The following DAB1 variants were observed in gnomAD, a reference collection of about 807,000 sequenced individuals.
DAB1 encodes the protein disabled homolog 1.
DAB1 carries 15 observed loss-of-function variants against 64.6 expected under a neutral mutation model. That is an observed-to-expected ratio of 0.23 (90% CI 0.16 to 0.36). DAB1 has a LOEUF of 0.36. Among genes scored for constraint, DAB1 ranks in the 10% least tolerant of loss-of-function variants. The pLI, the probability that DAB1 is intolerant of heterozygous loss-of-function variation, is 1.00. For missense variants in DAB1, 596 were observed against 706.7 expected (o/e 0.84, Z 1.78); for synonymous variants, 235 against 251.9 (o/e 0.93, Z 0.64).
chr1:57,195,018 G>T lies in DAB1; in HGVS notation c.68-49589C>A, dbSNP rs556809206. The stretch of plus-strand genomic sequence containing the variant: ...TTTGGGTCTTGGGTCTTAGGGAAAT[G>T]GACAGAAAATGATTAATGAATGGAA... On this transcript the variant is annotated intron_variant, in intron 2 of 14. Coordinates refer to ENST00000371236, the MANE Select transcript of DAB1 (RefSeq NM_001365792.1). Among the ~76,000 whole-genome samples the T allele has an allele frequency of 2.6e-5, 4 of 152,296 alleles. No individual in the cohort carries two copies. In the South Asian group the frequency reaches 8.3e-4, roughly 32 times the overall value.
At position 57,955,232 on chromosome 1, in the gene DAB1, GCAGGTCTC is replaced by G. The variant is rs1645364770; in HGVS notation, n.388-71078_388-71071del. 2.0e-5 allele frequency among the ~76,000 whole-genome samples: 3 copies of G among 152,226 alleles called. No individual in the cohort carries two copies. The South Asian group carries it at 6.2e-4, about 32-fold the overall frequency. ...TGTGCCATGAACCTTGAGGCTCATG[GCAGGTCTC>G]CTCCCTCCTGATTAAACCTCTCTTT... On this transcript the variant is annotated intron_variant and non_coding_transcript_variant, in intron 5 of 20. Coordinates refer to the DAB1 transcript ENST00000485760.
chr1:57,295,556 G>A (rs935814432), intron 1 of DAB1, among the ~76,000 whole-genome samples: 2 of 152,066 alleles, frequency 1.3e-5, no homozygotes, highest in African/African-American at 4.8e-5. Context: ...AGTAAAATGG[G>A]AACACCACCA....
intron 5 of DAB1, among the ~76,000 whole-genome samples, chr1:58,078,432 T>G (rs1475094364): frequency 6.6e-6 from 1 of 152,148 alleles, no homozygotes; most frequent in Non-Finnish European, 1.5e-5. Flanking sequence ...ATATGTAAAT[T>G]GATTAAAACA....
At chr1:58,409,937 T>G (rs1185390556) in intron 3 of DAB1, among the ~76,000 whole-genome samples, 1 of 152,190 alleles carries the variant, frequency 6.6e-6, no homozygotes, top group Non-Finnish European at 1.5e-5. Context: ...AGCACTGGTT[T>G]GATGACAAAG....
At chr1:58,074,566 A>ATATATATATG (rs1553157901) in intron 5 of DAB1, 17 of 10,994 alleles carry the variant, frequency 1.5e-3, no homozygotes, top group African/African-American at 4.7e-3. Context: ...ATATGTGTGT[A>ATATATATATG]TATATATATA....
In DAB1 at chr1:57,567,613, T is replaced by A. The variant is rs1273207065; in HGVS notation, n.625+81979A>T. Among the ~76,000 whole-genome samples the A allele has an allele frequency of 1.4e-4, 21 of 152,186 alleles. No homozygotes were observed. In the East Asian group the frequency reaches 4.1e-3, roughly 29 times the overall value. On this transcript the variant is annotated intron_variant and non_coding_transcript_variant, in intron 7 of 20. Coordinates refer to the DAB1 transcript ENST00000485760. ...ACAAAATCAATGTACAAAAATCACA[T>A]GCATTCTTATACACCAATAACAGAC...
intron 9 of DAB1, among the ~76,000 whole-genome samples, chr1:57,027,258 G>C (rs895587477): frequency 1.3e-5 from 2 of 152,160 alleles, no homozygotes; most frequent in Non-Finnish European, 2.9e-5. Context: ...GGAGCCCCAG[G>C]TCAGGGAGGG....
intron 5 of DAB1, among the ~76,000 whole-genome samples, chr1:58,121,729 A>AAGACACACAGGTGTGTCCCAAGACAC (rs1652748380): frequency 6.6e-6 from 1 of 152,184 alleles, no homozygotes; most frequent in African/African-American, 2.4e-5. Flanking sequence ...GGTGTGTCCC[A>AAGACACACAGGTGTGTCCCAAGACAC]ATCAGTTCCA....
chr1:57,235,803 C>T (rs924597788), intron 2 of DAB1, among the ~76,000 whole-genome samples: 1 of 152,114 alleles, frequency 6.6e-6, no homozygotes, highest in Admixed American at 6.5e-5. Flanking sequence ...ATTTTAATCT[C>T]CTTAACATTA....
chr1:57,731,336 AT>A (rs573500958), intron 6 of DAB1, among the ~76,000 whole-genome samples: 19 of 152,258 alleles, frequency 1.2e-4, no homozygotes, highest in African/African-American at 4.1e-4. Context: ...GTGGGGAATT[AT>A]TGTTTAATGA....
At chr1:57,185,226 G>A (rs1663414842) in intron 2 of DAB1, among the ~76,000 whole-genome samples, 1 of 152,084 alleles carries the variant, frequency 6.6e-6, no homozygotes, top group Non-Finnish European at 1.5e-5. Flanking sequence ...CCCCTACCAT[G>A]TTAGGAACTT....
intron 4 of DAB1, among the ~76,000 whole-genome samples, chr1:57,100,147 C>T (rs1237220051): frequency 1.3e-5 from 2 of 152,190 alleles, no homozygotes. Flanking sequence ...GTTGCTTAAC[C>T]TCTCTGAATC....
chr1:58,136,726 C>G (rs1285775423), intron 5 of DAB1, among the ~76,000 whole-genome samples: 2 of 152,182 alleles, frequency 1.3e-5, no homozygotes, highest in Non-Finnish European at 2.9e-5. Context: ...AGGAGATGTT[C>G]ATTTATCTAG....
intron 6 of DAB1, among the ~76,000 whole-genome samples, chr1:57,672,616 G>C (rs1570724904): frequency 6.6e-6 from 1 of 152,274 alleles, no homozygotes; most frequent in East Asian, 1.9e-4. Context: ...GGTAGTCACA[G>C]TAAGTTAAAA....
chr1:57,618,168 A>T (rs1024980235), intron 7 of DAB1, among the ~76,000 whole-genome samples: 2 of 152,150 alleles, frequency 1.3e-5, no homozygotes, highest in Admixed American at 1.3e-4. Context: ...TAATCCCAGC[A>T]CTTTGGGAGG....
chr1:58,484,357 T>G (rs1483972371), intron 3 of DAB1, among the ~76,000 whole-genome samples: 1 of 152,174 alleles, frequency 6.6e-6, no homozygotes, highest in Non-Finnish European at 1.5e-5. Flanking sequence ...GATCAAAGAG[T>G]AAGCACAGGT....
chr1:58,078,138 C>T (rs140286110), intron 5 of DAB1: 36 of 152,318 alleles, frequency 2.4e-4, no homozygotes, highest in African/African-American at 7.7e-4. Context: ...CCCATTGGGG[C>T]TCAAGCATTC....
At chr1:58,535,870 GA>G (rs1329136055) in intron 1 of DAB1, among the ~76,000 whole-genome samples, 1 of 151,780 alleles carries the variant, frequency 6.6e-6, no homozygotes, top group Non-Finnish European at 1.5e-5. Flanking sequence ...TGATGTTTGG[GA>G]AAAAAATCTT....
chr1:57,728,588 C>T lies in DAB1; in HGVS notation n.552-78923G>A, dbSNP rs907893536. 6.6e-5 allele frequency among the ~76,000 whole-genome samples: 10 copies of T among 150,776 alleles called. 1 individual carries two copies. Among genetic ancestry groups the T allele is most frequent in the Non-Finnish European group, 1.0e-4 (7 of 67,742 alleles). ...CAGCCTGGGCCACAGAGCAAGACTC[C>T]GTCTCAAAAAAAAACAACAACAAAA... is the stretch of plus-strand genomic sequence containing the variant. On this transcript the variant is annotated intron_variant and non_coding_transcript_variant, in intron 6 of 20. Transcript: ENST00000485760.
Sources: allele counts gnomAD v4.1 joint callset (sites outside exome capture counted in the v4.1 genomes callset), GRCh38; gene constraint gnomAD v4.1.1; transcripts MANE v1.5; gene names NCBI Gene and HGNC (gene_info 2026-07-23, HGNC 2026-07-21).